The following RANBP9 variants were observed in gnomAD, a reference collection of about 807,000 sequenced individuals.
RANBP9 encodes ran-binding protein 9.
A neutral mutation model predicts 84.3 loss-of-function variants in RANBP9; 15 were observed. The observed-to-expected ratio is 0.18, with a 90% CI of 0.12 to 0.27. The LOEUF (loss-of-function observed/expected upper bound fraction) is 0.27, where lower values mean the gene tolerates loss of function less well. Ranked by LOEUF, RANBP9 falls within the 10% of genes least tolerant of loss-of-function variation. The probability of loss-of-function intolerance (pLI) is 1.00; values close to 1 mark genes in which losing one functional copy is unlikely to be tolerated. For synonymous variants in RANBP9, 392 were observed against 349.6 expected, an observed-to-expected ratio of 1.12 and a Z score of -1.35; for missense variants, 809 against 912.8, an observed-to-expected ratio of 0.89 and a Z score of 1.46.
chr6:13,709,109 T>G (rs1386860087), intron 1 of RANBP9, among the ~76,000 whole-genome samples: 2 of 152,154 alleles, frequency 1.3e-5, no homozygotes, highest in Non-Finnish European at 1.5e-5. Flanking sequence ...TATTCCAAAC[T>G]CCAACTAATT....
At chr6:13,682,625 G>A (rs1417892532) in intron 2 of RANBP9, among the ~76,000 whole-genome samples, 3 of 151,730 alleles carry the variant, frequency 2.0e-5, no homozygotes, top group African/African-American at 7.3e-5. Context: ...GCTAATTTTT[G>A]TTACTAGTAG....
intron 5 of RANBP9, among the ~76,000 whole-genome samples, chr6:13,649,125 A>G (rs570248246): frequency 6.3e-4 from 96 of 152,340 alleles, no homozygotes; most frequent in African/African-American, 2.0e-3. Context: ...ACAGGTATAG[A>G]AGATATAAAC....
chr6:13,661,901 C>T (rs2299026), intron 2 of RANBP9, among the ~76,000 whole-genome samples: 35,587 of 151,862 alleles, frequency 0.23, 4,563 homozygotes, highest in Admixed American at 0.29. Context: ...CAACTGATGA[C>T]GAAAAACAAT....
At chr6:13,689,478 T>A (rs1305506169) in intron 2 of RANBP9, among the ~76,000 whole-genome samples, 1 of 151,998 alleles carries the variant, frequency 6.6e-6, no homozygotes, top group African/African-American at 2.4e-5. Context: ...CACTATATGT[T>A]GGTCAGGCTA....
At chr6:13,637,172 CTGAGA>C (rs1458470422) in intron 10 of RANBP9, among the ~76,000 whole-genome samples, 1 of 152,146 alleles carries the variant, frequency 6.6e-6, no homozygotes, top group African/African-American at 2.4e-5. Context: ...AGTACACTGA[CTGAGA>C]TATCATCTTT....
chr6:13,632,509 C>T lies in RANBP9; in HGVS notation c.1808G>A (p.Ser603Asn), dbSNP rs1281674021. 6.2e-7 allele frequency: 1 copy of T among 1,612,918 alleles called. No homozygotes were observed. Among genetic ancestry groups the T allele is most frequent in the East Asian group, 2.2e-5 (1 of 44,880 alleles). ...DCDTEMEVDS[S>N]QLRRQLCGGS... ...TCCACACAACTGGCGTCTCAACTGA[C>T]TTGAATCAACTTCTGTAAGAAAAAC... is the stretch of plus-strand genomic sequence containing the variant. Residue 603 changes from serine (S) to asparagine (N), a missense_variant, in exon 12 of 14, where the codon AGT (serine) becomes AAT (asparagine). By Grantham distance (46) the Ser-to-Asn change is conservative (BLOSUM62 1). Around this residue, in one of 5 missense-constraint regions of RANBP9, gnomAD observed 233 missense variants for 234.4 expected, o/e 0.99. Transcript: ENST00000011619.
intron 2 of RANBP9, among the ~76,000 whole-genome samples, chr6:13,666,204 G>A (rs1765640906): frequency 1.3e-5 from 2 of 152,018 alleles, no homozygotes; most frequent in African/African-American, 4.8e-5. Context: ...GTGATTAGGA[G>A]GGAAGTATAC....
At chr6:13,636,115 A>C (rs1343104720) in intron 10 of RANBP9, among the ~76,000 whole-genome samples, 1 of 152,194 alleles carries the variant, frequency 6.6e-6, no homozygotes, top group African/African-American at 2.4e-5. Context: ...GACAGAAGTT[A>C]TACTGGAGGT....
chr6:13,681,806 T>C (rs1766046997), intron 2 of RANBP9, among the ~76,000 whole-genome samples: 1 of 151,652 alleles, frequency 6.6e-6, no homozygotes, highest in Non-Finnish European at 1.5e-5. Flanking sequence ...CTAATGAAAA[T>C]GGTTACCTGA....
At chr6:13,633,155 C>T (rs541624031) in intron 11 of RANBP9, among the ~76,000 whole-genome samples, 1 of 152,218 alleles carries the variant, frequency 6.6e-6, no homozygotes, top group East Asian at 1.9e-4. Flanking sequence ...CTGCCTCAGC[C>T]TCCTGAGTAG....
At chr6:13,669,228 TAAGTA>T (rs1420094394) in intron 2 of RANBP9, among the ~76,000 whole-genome samples, 1 of 152,076 alleles carries the variant, frequency 6.6e-6, no homozygotes, top group African/African-American at 2.4e-5. Flanking sequence ...AAAGAACTGC[TAAGTA>T]AATGGAAAGA....
intron 12 of RANBP9, among the ~76,000 whole-genome samples, chr6:13,630,251 T>TA (rs1241816804): frequency 6.6e-6 from 1 of 152,108 alleles, no homozygotes; most frequent in Non-Finnish European, 1.5e-5. Flanking sequence ...GCTTAGAAGT[T>TA]AGAGGTGCAA....
intron 2 of RANBP9, among the ~76,000 whole-genome samples, chr6:13,689,662 C>T (rs892210260): frequency 6.6e-6 from 1 of 152,130 alleles, no homozygotes; most frequent in African/African-American, 2.4e-5. Context: ...AAGTTGCACT[C>T]TTCCTGTGAG....
chr6:13,640,099 A>T (rs1269263413), intron 8 of RANBP9, among the ~76,000 whole-genome samples: 2 of 152,210 alleles, frequency 1.3e-5, no homozygotes, highest in Non-Finnish European at 2.9e-5. Flanking sequence ...AATTGTGCCT[A>T]AGGACATGAT....
chr6:13,632,621 A>G (rs777714367), intron 11 of RANBP9, 100 bp from the exon 12 acceptor site: 27 of 1,100,960 alleles, frequency 2.5e-5, no homozygotes, highest in Non-Finnish European at 3.4e-5. Context: ...TTTAGTAACT[A>G]TTCCCTAATA....
At chr6:13,638,312 C>G (rs1194702344) in intron 9 of RANBP9, among the ~76,000 whole-genome samples, 1 of 152,016 alleles carries the variant, frequency 6.6e-6, no homozygotes, top group Non-Finnish European at 1.5e-5. Context: ...TGGCTAAGAA[C>G]AGACATGGGA....
chr6:13,662,886 TA>T (rs1350746049), intron 2 of RANBP9, among the ~76,000 whole-genome samples: 1 of 151,464 alleles, frequency 6.6e-6, no homozygotes, highest in Non-Finnish European at 1.5e-5. Context: ...AAACAAATAG[TA>T]ACATGAAAAC....
At chr6:13,697,816 T>C (rs1307953872) in intron 1 of RANBP9, among the ~76,000 whole-genome samples, 1 of 152,214 alleles carries the variant, frequency 6.6e-6, no homozygotes, top group African/African-American at 2.4e-5. Flanking sequence ...CCAAAAGGAC[T>C]GCATGAGAAA....
intron 1 of RANBP9, among the ~76,000 whole-genome samples, chr6:13,704,995 T>A (rs1188196158): frequency 6.6e-6 from 1 of 152,164 alleles, no homozygotes; most frequent in Non-Finnish European, 1.5e-5. Flanking sequence ...GACAGTATCT[T>A]CTCCACCTCT....
Sources: gnomAD v4.1 joint callset for allele counts (sites outside exome capture counted in the v4.1 genomes callset) on GRCh38, gnomAD v4.1.1 for gene constraint, gnomAD v4.1.1 regional missense constraint, MANE v1.5 for transcripts, NCBI Gene and HGNC (gene_info 2026-07-23, HGNC 2026-07-21) for gene names.